TTC34: variants seen among roughly 807,000 people sequenced by gnomAD.
TTC34 encodes the protein tetratricopeptide repeat protein 34.
TTC34 carries 44 observed loss-of-function variants against 40.7 expected under a neutral mutation model. The ratio of observed to expected loss-of-function variants is 1.08; its 90% CI spans 0.85 to 1.39. TTC34 has a LOEUF of 1.39. Ranked by LOEUF, TTC34 falls within the 40% of genes most tolerant of loss-of-function variation. The pLI, the probability that TTC34 is intolerant of heterozygous loss-of-function variation, is 0.00. For missense variants in TTC34, 884 were observed against 838.0 expected, an observed-to-expected ratio of 1.05 and a Z score of -0.68; for synonymous variants, 422 against 398.6, an observed-to-expected ratio of 1.06 and a Z score of -0.70.
At chr1:2,749,368 G>C (rs1274034218) in intron 6 of TTC34, among the ~76,000 whole-genome samples, 5 of 75,892 alleles carry the variant, frequency 6.6e-5, no homozygotes, top group East Asian at 4.2e-4. Flanking sequence ...CACATGCCCA[G>C]GTGAGACCCT....
Position 2,691,648 on chromosome 1 carries a change from G to C in TTC34, c.2227-46085C>G, listed in dbSNP as rs539282152. ...CCCCCAGGTGCGCACGTGACAGCCT[G>C]GAACAGCACCGACACCCCCAGGTGA... is the stretch of plus-strand genomic sequence containing the variant. On this transcript the variant is annotated intron_variant, in intron 6 of 8. Coordinates refer to ENST00000401095, the Ensembl canonical transcript of TTC34. Among the ~76,000 whole-genome samples, 39 of 111,674 alleles carry C rather than the reference G, an allele frequency of 3.5e-4. 6 individuals are homozygous for C. Among genetic ancestry groups the C allele is most frequent in the Admixed American group, 2.3e-3 (25 of 10,874 alleles). 73.3% of individuals were successfully genotyped at this position (111,674 alleles called of 152,430 possible). A position where few individuals can be genotyped will look rare whatever the true frequency, so the allele number is the denominator to read the frequency against.
intron 2 of TTC34, among the ~76,000 whole-genome samples, chr1:2,793,011 C>T (rs12024170): frequency 0.35 from 52,753 of 152,168 alleles, 10,350 homozygotes; most frequent in Non-Finnish European, 0.44. Context: ...CTTTTATAAT[C>T]GTTATCTGTG....
At chr1:2,697,845 A>AC (rs1640941097) in intron 6 of TTC34, among the ~76,000 whole-genome samples, 13 of 118,520 alleles carry the variant, frequency 1.1e-4, no homozygotes, top group African/African-American at 4.5e-4. Context: ...CAGCACCCAC[A>AC]CTCCAGGTGA....
In TTC34 at chr1:2,645,998, G is replaced by A. The variant is rs1038037620; in HGVS notation, c.2227-435C>T. Among the ~76,000 whole-genome samples the A allele has an allele frequency of 1.3e-5, 2 of 152,028 alleles. No individual in the cohort carries two copies. Among genetic ancestry groups the A allele is most frequent in the South Asian group, 2.1e-4 (1 of 4,816 alleles). ...GGACGCTGGAGCTCCTTGGGTATCC[G>A]GGTGCTGCTCCCAGTGCCTGTGGTC... On this transcript the variant is annotated intron_variant, in intron 6 of 8. Transcript: ENST00000401095. The surrounding 1 kb of genome is among the most constrained non-coding windows in gnomAD (Gnocchi z 4.7).
rs1161512149 is a variant in TTC34 at position 2,799,442 on chromosome 1, C to T, written c.784+602G>A. 1.3e-4 allele frequency among the ~76,000 whole-genome samples: 20 copies of T among 152,106 alleles called. 1 individual carries two copies. ...CCTGTAATCCCAGTTACTCGGGAGG[C>T]TGAAGCAAGAGAATCTCTTGAACCC... On this transcript the variant is annotated intron_variant, in intron 2 of 8. Coordinates refer to ENST00000401095, the Ensembl canonical transcript of TTC34.
intron 6 of TTC34, among the ~76,000 whole-genome samples, chr1:2,687,730 C>A (rs1295587298): frequency 6.6e-6 from 1 of 150,400 alleles, no homozygotes; most frequent in Non-Finnish European, 1.5e-5. Flanking sequence ...CCCACACCCC[C>A]AGGTGAACAT....
Position 2,693,259 on chromosome 1 carries a change from C to A in TTC34, c.2227-47696G>T, listed in dbSNP as rs575541072. The stretch of plus-strand genomic sequence containing the variant: ...GAGCATCTGACAGCCTGGAACAGAA[C>A]CCACACCCCCAGGTGAGCATCTGAC... On this transcript the variant is annotated intron_variant, in intron 6 of 8. Transcript: ENST00000401095. Among the ~76,000 whole-genome samples, 194 of 136,900 alleles carry A rather than the reference C, an allele frequency of 1.4e-3. 4 individuals are homozygous for A. Among genetic ancestry groups the A allele is most frequent in the African/African-American group, 5.2e-3 (185 of 35,730 alleles). The allele number at this position is 136,900 out of a possible 152,430, so 89.8% of individuals were successfully genotyped here. A position where few individuals can be genotyped will look rare whatever the true frequency, so the allele number is the denominator to read the frequency against.
intron 6 of TTC34, among the ~76,000 whole-genome samples, chr1:2,777,198 G>A (rs1247915680): frequency 2.2e-5 from 2 of 88,940 alleles, no homozygotes; most frequent in African/African-American, 9.4e-5. Flanking sequence ...ACAGCCTGGA[G>A]CAGCACCCCA....
In TTC34 at chr1:2,752,661, G is replaced by A. The variant is rs1408582322; in HGVS notation, c.2226+30948C>T. On this transcript the variant is annotated intron_variant, in intron 6 of 8. Transcript: ENST00000401095. ...TGGAACTGCACACACACCCCCAGGC[G>A]AGCATCTGACAACCTGCAACAGCAC... Among the ~76,000 whole-genome samples, 79 of 141,942 alleles carry A rather than the reference G, an allele frequency of 5.6e-4. 2 individuals carry two copies. The South Asian group carries it at 6.2e-3, about 11-fold the overall frequency. The allele number at this position is 141,942 out of a possible 152,430, so 93.1% of individuals were successfully genotyped here. A position where few individuals can be genotyped will look rare whatever the true frequency, so the allele number is the denominator to read the frequency against.
At chr1:2,781,362 T>C (rs1479922796) in intron 6 of TTC34, among the ~76,000 whole-genome samples, 1 of 152,254 alleles carries the variant, frequency 6.6e-6, no homozygotes, top group East Asian at 1.9e-4. Context: ...AAAATGCAAC[T>C]GATTTTTGTG....
At position 2,796,852 on chromosome 1, in the gene TTC34, GCTCT is replaced by G. The variant is rs1224579090; in HGVS notation, c.784+3188_784+3191del. On this transcript the variant is annotated intron_variant, in intron 2 of 8. Transcript: ENST00000401095. The surrounding 1 kb of genome is among the most constrained non-coding windows in gnomAD (Gnocchi z 4.5). ...AACAAATTTTCCTGCTCACTTTGCA[GCTCT>G]CTCTAACTGGTTCCTGCCCCACCCT... 6.6e-6 allele frequency among the ~76,000 whole-genome samples: 1 copy of G among 152,118 alleles called. No homozygotes were observed. The highest frequency in any genetic ancestry group is 1.5e-5 in the Non-Finnish European group (1 of 68,012).
intron 6 of TTC34, among the ~76,000 whole-genome samples, chr1:2,751,656 G>C (rs1641324534): frequency 7.0e-6 from 1 of 142,320 alleles, no homozygotes; most frequent in African/African-American, 2.7e-5. Context: ...ACCCCCAGTT[G>C]AGCATTGGAC....
chr1:2,653,322 ACACACC>A (rs1639215006), intron 6 of TTC34, among the ~76,000 whole-genome samples: 2 of 117,676 alleles, frequency 1.7e-5, no homozygotes, highest in African/African-American at 6.3e-5. Flanking sequence ...GGAACAGCAC[ACACACC>A]CCCAGGTGAG....
intron 6 of TTC34, among the ~76,000 whole-genome samples, chr1:2,676,912 G>T: frequency 1.4e-5 from 2 of 138,634 alleles, no homozygotes; most frequent in Non-Finnish European, 3.1e-5. Flanking sequence ...CTGACAGCCT[G>T]GAGCAGCACC....
intron 6 of TTC34, among the ~76,000 whole-genome samples, chr1:2,681,799 C>T: frequency 8.2e-6 from 1 of 122,408 alleles, no homozygotes; most frequent in Admixed American, 8.0e-5. Context: ...AGGTGAGCAT[C>T]TGATGGTTTG....
rs183052843 is a variant in TTC34 at position 2,797,494 on chromosome 1, A to G, written c.784+2550T>C. Among the ~76,000 whole-genome samples the G allele has an allele frequency of 3.9e-3, 590 of 152,282 alleles. 5 individuals carry two copies. Among genetic ancestry groups the G allele is most frequent in the African/African-American group, 0.013 (554 of 41,560 alleles). On this transcript the variant is annotated intron_variant, in intron 2 of 8. Transcript: ENST00000401095. ...TTTCAAACTGAGCTCCTCTCACCTC[A>G]GGGCTCACCTGTCTGGCTGCCTAAT...
intron 6 of TTC34, among the ~76,000 whole-genome samples, chr1:2,684,432 T>A (rs1290549832): frequency 3.3e-5 from 2 of 60,694 alleles, no homozygotes; most frequent in South Asian, 5.2e-4. Flanking sequence ...AACACCACCC[T>A]GCACCCCCAG....
intron 6 of TTC34, among the ~76,000 whole-genome samples, chr1:2,647,644 T>A (rs933663673): frequency 8.6e-5 from 13 of 151,372 alleles, no homozygotes; most frequent in Non-Finnish European, 1.3e-4. Context: ...TTCTAGAAAA[T>A]TTTTTTTTCT....
At chr1:2,749,903 C>G (rs1641260753) in intron 6 of TTC34, among the ~76,000 whole-genome samples, 3 of 109,768 alleles carry the variant, frequency 2.7e-5, no homozygotes, top group Admixed American at 1.1e-4. Context: ...GAGCATCTGA[C>G]AGCCTGGGTC....
Sources: allele counts gnomAD v4.1 joint callset (sites outside exome capture counted in the v4.1 genomes callset), GRCh38; gene constraint gnomAD v4.1.1; non-coding constraint Gnocchi (gnomAD v3.1); transcripts MANE v1.5; gene names NCBI Gene and HGNC (gene_info 2026-07-23, HGNC 2026-07-21).